ARHGEF28: variants seen among roughly 807,000 people sequenced by gnomAD.
ARHGEF28 encodes the protein Rho guanine nucleotide exchange factor 28.
In ARHGEF28, 152 loss-of-function variants were observed where a neutral mutation model predicts 206.6. The observed-to-expected ratio is 0.74, with a 90% CI of 0.64 to 0.84. The LOEUF is 0.84. ARHGEF28 is among the 40% of genes least tolerant of loss of function. The pLI is 0.00. For synonymous variants in ARHGEF28, 763 were observed against 776.4 expected (o/e 0.98, Z 0.29); for missense variants, 2,028 against 2,073.2 (o/e 0.98, Z 0.42).
rs1753899094 is a variant in ARHGEF28 at position 73,782,344 on chromosome 5, C to T, written c.910+1599C>T. 2.0e-5 allele frequency among the ~76,000 whole-genome samples: 3 copies of T among 152,028 alleles called. No homozygotes were observed. The South Asian group carries it at 6.2e-4, about 32-fold the overall frequency. ...ATGCCAGCTACTCGGGAGGCTGAGA[C>T]AAGAGAATTGCTTGAACCTGGGAGG... On this transcript the variant is annotated intron_variant, in intron 7 of 35. Coordinates refer to ENST00000513042, the MANE Select transcript of ARHGEF28 (RefSeq NM_001177693.2).
chr5:73,748,042 C>T (rs944403102), intron 2 of ARHGEF28, among the ~76,000 whole-genome samples: 6 of 152,212 alleles, frequency 3.9e-5, no homozygotes, highest in Non-Finnish European at 7.4e-5. Context: ...AAAAAAATCA[C>T]GAACAGGTCA....
chr5:73,640,129 G>A (rs73116509), intron 1 of ARHGEF28, among the ~76,000 whole-genome samples: 3,087 of 152,250 alleles, frequency 0.02, 102 homozygotes, highest in African/African-American at 0.071. Context: ...TAGGCCTGGG[G>A]TGGACATTTC....
chr5:73,878,801 G>T (rs1760712296), intron 22 of ARHGEF28, among the ~76,000 whole-genome samples: 1 of 151,422 alleles, frequency 6.6e-6, no homozygotes. Context: ...TCCGCTGTTA[G>T]TCTGATGGGC....
chr5:73,846,168 C>T (rs1410413408), intron 11 of ARHGEF28, 100 bp from the exon 12 acceptor site: 10 of 1,094,198 alleles, frequency 9.1e-6, no homozygotes, highest in Non-Finnish European at 1.3e-5. Context: ...ATTGCACCCC[C>T]CCCGCCCCAG....
In ARHGEF28 at chr5:73,790,681, G is replaced by GA. The variant is rs33944186; in HGVS notation, c.911-3706dup. Among the ~76,000 whole-genome samples, 224 of 142,016 alleles carry GA rather than the reference G, an allele frequency of 1.6e-3. 1 individual carries two copies. The highest frequency in any genetic ancestry group is 6.4e-3 in the Admixed American group (91 of 14,182). The allele number at this position is 142,016 out of a possible 152,430, so 93.2% of individuals were successfully genotyped here. A position where few individuals can be genotyped will look rare whatever the true frequency, so the allele number is the denominator to read the frequency against. On this transcript the variant is annotated intron_variant, in intron 7 of 35. Coordinates refer to ENST00000513042, the MANE Select transcript of ARHGEF28 (RefSeq NM_001177693.2). ...TTCTTATTAGTAGTCCCACTTTTAG[G>GA]AAAAAAAAAAAAAAAGGAATAACTG...
At chr5:73,937,980 T>C (rs755208581) in intron 35 of ARHGEF28, among the ~76,000 whole-genome samples, 86 of 152,236 alleles carry the variant, frequency 5.6e-4, no homozygotes, top group Non-Finnish European at 1.0e-3. Flanking sequence ...AGAAGGAACA[T>C]GGAGAAGGAA....
At chr5:73,921,289 T>A (rs1185545398) in intron 35 of ARHGEF28, among the ~76,000 whole-genome samples, 1 of 152,218 alleles carries the variant, frequency 6.6e-6, no homozygotes, top group African/African-American at 2.4e-5. Flanking sequence ...GAAACATACT[T>A]GTGTTCTTAG....
chr5:73,739,036 A>C (rs569639943), intron 2 of ARHGEF28, among the ~76,000 whole-genome samples: 2 of 152,348 alleles, frequency 1.3e-5, no homozygotes, highest in South Asian at 4.1e-4. Flanking sequence ...TTGGTCACTA[A>C]TAGAACTTAG....
In ARHGEF28 at chr5:73,892,181, A is replaced by G. The variant is rs770902210; in HGVS notation, c.3517A>G (p.Lys1173Glu). The G allele has an allele frequency of 3.8e-6, 6 of 1,577,948 alleles. No homozygotes were observed. In the African/African-American group the frequency reaches 6.7e-5, roughly 18 times the overall value. The part of the protein sequence containing the change: ...PEMYEIHTNS[K>E]EERNNWMRRI... Reference sequence around the variant, plus strand: ...GATGTATGAAATTCACACCAATTCCAAGGAGGAACGCAATAACTGGATGAG... The same window carrying G: ...GATGTATGAAATTCACACCAATTCCGAGGAGGAACGCAATAACTGGATGAG... Residue 1173 changes from lysine (K) to glutamate (E), a missense_variant, in exon 27 of 36, where the codon AAG becomes GAG. Physicochemically the swap from Lys to Glu is moderately conservative, Grantham distance 56. Around this residue, in one of 3 missense-constraint regions of ARHGEF28, gnomAD observed 803 missense variants for 768.0 expected, o/e 1.05. Transcript: ENST00000513042.
rs143984679 is a variant in ARHGEF28 at position 73,879,080 on chromosome 5, G to A, written c.2815-3392G>A. The stretch of plus-strand genomic sequence containing the variant: ...GGTACACCAAGCAGACGCAGATTTG[G>A]TCTTTTCACATAGTCCCATATTTCT... On this transcript the variant is annotated intron_variant, in intron 22 of 35. Transcript: ENST00000513042. Among the ~76,000 whole-genome samples the A allele has an allele frequency of 1.7e-3, 260 of 152,212 alleles. 1 individual carries two copies. The highest frequency in any genetic ancestry group is 5.9e-3 in the African/African-American group (243 of 41,534).
chr5:73,737,598 G>A (rs1187263607), intron 2 of ARHGEF28, among the ~76,000 whole-genome samples: 1 of 151,072 alleles, frequency 6.6e-6, no homozygotes, highest in Non-Finnish European at 1.5e-5. Context: ...TGCAACCTCT[G>A]CCTCCCGGGT....
At chr5:73,669,793 T>A (rs1358933267) in intron 1 of ARHGEF28, among the ~76,000 whole-genome samples, 1 of 152,130 alleles carries the variant, frequency 6.6e-6, no homozygotes, top group Non-Finnish European at 1.5e-5. Flanking sequence ...TTCAAGCAAT[T>A]CTGGTGACTC....
intron 26 of ARHGEF28, among the ~76,000 whole-genome samples, chr5:73,891,187 C>G (rs551406423): frequency 3.0e-4 from 46 of 152,228 alleles, no homozygotes; most frequent in African/African-American, 1.0e-3. Context: ...GAGGCAAGAA[C>G]TTGTAGACCA....
rs551894899 is a variant in ARHGEF28, at chr5:73,828,607, CTTTCCTTTCTTT to C, written c.1025-3722_1025-3711del. Among the ~76,000 whole-genome samples, 6 of 151,390 alleles carry C rather than the reference CTTTCCTTTCTTT, an allele frequency of 4.0e-5. No individual in the cohort carries two copies. The South Asian group carries it at 1.3e-3, about 32-fold the overall frequency. On this transcript the variant is annotated intron_variant, in intron 9 of 35. Transcript: ENST00000513042. Reference sequence around the variant, plus strand: ...CCTTTCCTTTCCTTTTTCCTTTCTCCTTTCCTTTCTTTTTTCCTTTTTCCTTTTGTTTCTCCT... The same window carrying C: ...CCTTTCCTTTCCTTTTTCCTTTCTCCTTTCCTTTTTCCTTTTGTTTCTCCT...
intron 9 of ARHGEF28, among the ~76,000 whole-genome samples, chr5:73,799,924 G>A (rs1755037075): frequency 6.6e-6 from 1 of 152,256 alleles, no homozygotes; most frequent in South Asian, 2.1e-4. Flanking sequence ...ACTCTTCCAG[G>A]TCTGGCTGGT....
At chr5:73,846,556 CAT>C in intron 12 of ARHGEF28, 81 bp downstream of exon 12, 1 of 1,323,322 alleles carries the variant, frequency 7.6e-7, no homozygotes, top group Non-Finnish European at 1.0e-6. Flanking sequence ...ATCTGAAAGA[CAT>C]ATTATATTTT....
At chr5:73,686,684 A>AT (rs574505192) in intron 2 of ARHGEF28, among the ~76,000 whole-genome samples, 4 of 150,286 alleles carry the variant, frequency 2.7e-5, no homozygotes, top group Admixed American at 6.6e-5. Context: ...CGCCCGGCAA[A>AT]TTTTTTTTTG....
intron 4 of ARHGEF28, among the ~76,000 whole-genome samples, chr5:73,773,593 A>G (rs141134262): frequency 3.5e-4 from 53 of 152,284 alleles, no homozygotes; most frequent in African/African-American, 1.2e-3. Context: ...AGATGACGTG[A>G]ATGTGTAGTG....
chr5:73,828,595 TTTTCCTTTCTCC>T (rs1333209316), intron 9 of ARHGEF28, among the ~76,000 whole-genome samples: 1 of 146,972 alleles, frequency 6.8e-6, no homozygotes, highest in Admixed American at 6.8e-5. Context: ...TTCCTTTCCT[TTTTCCTTTCTCC>T]TTTCCTTTCT....
Sources: allele counts gnomAD v4.1 joint callset (sites outside exome capture counted in the v4.1 genomes callset), GRCh38; gene constraint gnomAD v4.1.1; regional missense constraint gnomAD v4.1.1; transcripts MANE v1.5; gene names NCBI Gene and HGNC (gene_info 2026-07-23, HGNC 2026-07-21).